The following SLC25A30 variants were observed in gnomAD, a reference collection of about 807,000 sequenced individuals.
SLC25A30 encodes solute carrier family 25 member 30, also known as kidney mitochondrial carrier protein 1.
A neutral mutation model predicts 42.7 loss-of-function variants in SLC25A30; 29 were observed. The ratio of observed to expected loss-of-function variants is 0.68; its 90% CI spans 0.51 to 0.93. The LOEUF (loss-of-function observed/expected upper bound fraction) is 0.93, where lower values mean the gene tolerates loss of function less well. SLC25A30 is among the 40% of genes least tolerant of loss of function. SLC25A30 has a pLI of 0.00. For missense variants in SLC25A30, 300 were observed against 359.7 expected (o/e 0.83, Z 1.34); for synonymous variants, 124 against 131.0 (o/e 0.95, Z 0.37).
the SLC25A30 span, among the ~76,000 whole-genome samples, chr13:45,425,746 G>A: frequency 6.9e-6 from 1 of 143,926 alleles, no homozygotes; most frequent in Non-Finnish European, 1.5e-5. Context: ...AGGCTGGAGG[G>A]CAGTGGTGGG....
the SLC25A30 span, among the ~76,000 whole-genome samples, chr13:45,429,505 G>C: frequency 1.2e-4 from 18 of 152,024 alleles, no homozygotes; most frequent in East Asian, 1.3e-3. Context: ...AGGAGGATGG[G>C]GAAAGGAATT....
At chr13:45,403,936 C>CAAA (rs34588071) in intron 5 of SLC25A30, among the ~76,000 whole-genome samples, 1 of 80,760 alleles carries the variant, frequency 1.2e-5, no homozygotes. Context: ...GACTCCATCT[C>CAAA]AAAAAAAAAA....
intron 6 of SLC25A30, among the ~76,000 whole-genome samples, chr13:45,402,059 CAAAAA>C (rs66565783): frequency 0.24 from 19,880 of 83,486 alleles, 1,497 homozygotes; most frequent in African/African-American, 0.34. Context: ...GACTCCATCT[CAAAAA>C]AAAAAAAAAA....
chr13:45,427,723 C>G, the SLC25A30 span, among the ~76,000 whole-genome samples: 1 of 150,738 alleles, frequency 6.6e-6, no homozygotes, highest in Non-Finnish European at 1.5e-5. Flanking sequence ...GAAGTTTTCC[C>G]TTGGCCCCCT....
upstream of SLC25A30, among the ~76,000 whole-genome samples, chr13:45,423,252 T>C (rs186672029): frequency 3.3e-5 from 5 of 152,036 alleles, no homozygotes; most frequent in African/African-American, 1.2e-4. Context: ...ACCACAGTTG[T>C]AAGTCCTGCT....
At chr13:45,404,280 T>C (rs111271758) in intron 5 of SLC25A30, 47 bp downstream of exon 5, 12 of 1,292,444 alleles carry the variant, frequency 9.3e-6, no homozygotes, top group Non-Finnish European at 1.2e-5. Flanking sequence ...TTGTTCTCAA[T>C]AAGAAAATGT....
chr13:45,397,121 T>TG, intron 9 of SLC25A30, 137 bp downstream of exon 9: 2 of 660,788 alleles, frequency 3.0e-6, no homozygotes, highest in South Asian at 3.5e-5. Flanking sequence ...AGAAACTAAG[T>TG]AGTGACTTCT....
intron 1 of SLC25A30, among the ~76,000 whole-genome samples, chr13:45,414,903 G>A (rs1883390766): frequency 6.6e-6 from 1 of 152,196 alleles, no homozygotes; most frequent in African/African-American, 2.4e-5. Context: ...GAAGTCCCAA[G>A]GCTGACAAGC....
chr13:45,401,210 G>C lies in SLC25A30; in HGVS notation c.490-3C>G, dbSNP rs765690535. 4 of 1,612,854 alleles carry C rather than the reference G, an allele frequency of 2.5e-6. No homozygotes were observed. Among genetic ancestry groups the C allele is most frequent in the Non-Finnish European group, 3.4e-6 (4 of 1,179,624 alleles). ...CTCTGCGCAGTAAGGGACACACCCT[G>C]GGTAAAAATATTAACAATAAAAATG... On this transcript the variant is annotated splice_polypyrimidine_tract_variant and splice_region_variant and intron_variant, in intron 6 of 9. Transcript: ENST00000519676.
the SLC25A30 span, among the ~76,000 whole-genome samples, chr13:45,423,849 A>AAT: frequency 8.3e-3 from 378 of 45,802 alleles, 5 homozygotes; most frequent in African/African-American, 0.026. Context: ...TAAATATGTA[A>AAT]ATATATATAT....
the SLC25A30 span, among the ~76,000 whole-genome samples, chr13:45,431,780 G>A: frequency 6.6e-6 from 1 of 152,040 alleles, no homozygotes; most frequent in African/African-American, 2.4e-5. Flanking sequence ...GATGTAACTA[G>A]GCAACTCAAA....
chr13:45,421,082 A>G (rs1010138762), upstream of SLC25A30, among the ~76,000 whole-genome samples: 1 of 152,018 alleles, frequency 6.6e-6, no homozygotes, highest in African/African-American at 2.4e-5. Flanking sequence ...TTTAGAAACA[A>G]GAATAACAAA....
In SLC25A30 at chr13:45,411,364, C is replaced by T. The variant is rs1454814281; in HGVS notation, c.62G>A (p.Cys21Tyr). Reference sequence around the variant, plus strand: ...ATCCACCACCCTCAGGTCCTTACCGCACTCAGCAGTGATGGAGGCCAGCCC... The same window carrying T: ...ATCCACCACCCTCAGGTCCTTACCGTACTCAGCAGTGATGGAGGCCAGCCC... ...YGGLASITAE[C>Y]GTFPIDLTKT... Residue 21 changes from cysteine to tyrosine, a missense_variant and splice_region_variant, in exon 2 of 10, where the codon TGC becomes TAC. Coordinates refer to ENST00000519676, the MANE Select transcript of SLC25A30 (RefSeq NM_001010875.4). The T allele has an allele frequency of 1.2e-6, 2 of 1,613,126 alleles. No individual in the cohort carries two copies. The highest frequency in any genetic ancestry group is 1.1e-5 in the South Asian group (1 of 91,070).
upstream of SLC25A30, among the ~76,000 whole-genome samples, chr13:45,423,085 C>A (rs973911000): frequency 2.0e-5 from 3 of 152,094 alleles, no homozygotes; most frequent in Non-Finnish European, 2.9e-5. Flanking sequence ...CAGTCTTGCT[C>A]ACTACTGTAT....
chr13:45,413,086 T>C (rs1310946544), intron 1 of SLC25A30, among the ~76,000 whole-genome samples: 5 of 152,198 alleles, frequency 3.3e-5, no homozygotes, highest in African/African-American at 4.8e-5. Context: ...ATCGGGCACC[T>C]TGAATAAATC....
intron 6 of SLC25A30, 123 bp from the exon 7 acceptor site, chr13:45,401,330 A>T: frequency 1.1e-6 from 1 of 946,776 alleles, no homozygotes; most frequent in Non-Finnish European, 1.6e-6. Flanking sequence ...CTGGGGAGGC[A>T]GAAATGTAGA....
chr13:45,424,945 AATAT>A, the SLC25A30 span, among the ~76,000 whole-genome samples: 1 of 55,432 alleles, frequency 1.8e-5, no homozygotes, highest in African/African-American at 1.1e-4. Context: ...TATTTAAATA[AATAT>A]ATAAATAAAT....
chr13:45,419,889 C>T (rs796076342), upstream of SLC25A30, among the ~76,000 whole-genome samples: 6 of 151,146 alleles, frequency 4.0e-5, no homozygotes, highest in Admixed American at 1.3e-4. Flanking sequence ...GAGATCACGC[C>T]GCTGCACTCT....
At chr13:45,418,984 A>G (rs571140404), upstream of SLC25A30, among the ~76,000 whole-genome samples, 1 of 122,944 alleles carries the variant, frequency 8.1e-6, no homozygotes, top group Non-Finnish European at 1.7e-5. Context: ...AAAAAAAAAA[A>G]GCCAGACCTG....
Sources: gnomAD v4.1 joint callset for allele counts (sites outside exome capture counted in the v4.1 genomes callset) on GRCh38, gnomAD v4.1.1 for gene constraint, MANE v1.5 for transcripts, NCBI Gene and HGNC (gene_info 2026-07-23, HGNC 2026-07-21) for gene names.